Variants in PLD1 observed in about 807,000 individuals in gnomAD.
PLD1 encodes the protein choline phosphatase 1.
PLD1 carries 112 observed loss-of-function variants against 137.1 expected under a neutral mutation model. The ratio of observed to expected loss-of-function variants is 0.82; its 90% CI spans 0.70 to 0.96. The LOEUF (loss-of-function observed/expected upper bound fraction) is 0.96, where lower values mean the gene tolerates loss of function less well. Among genes scored for constraint, PLD1 ranks in the 40% least tolerant of loss-of-function variants. The pLI, the probability that PLD1 is intolerant of heterozygous loss-of-function variation, is 0.00. For missense variants in PLD1, 1,321 were observed against 1,342.0 expected (o/e 0.98, Z 0.24); for synonymous variants, 431 against 454.7 (o/e 0.95, Z 0.66).
At chr3:171,699,369 G>A (rs1414522686) in intron 12 of PLD1, among the ~76,000 whole-genome samples, 2 of 152,114 alleles carry the variant, frequency 1.3e-5, no homozygotes, top group Non-Finnish European at 2.9e-5. Context: ...CCATTCTCCA[G>A]ATGAGTTTTC....
At chr3:171,704,392 A>G (rs1318000760) in intron 11 of PLD1, among the ~76,000 whole-genome samples, 2 of 150,530 alleles carry the variant, frequency 1.3e-5, no homozygotes, top group East Asian at 3.9e-4. Flanking sequence ...AAGACTCAAG[A>G]GTCTTATAAC....
intron 21 of PLD1, among the ~76,000 whole-genome samples, chr3:171,647,622 T>A (rs1299676537): frequency 2.0e-5 from 3 of 152,056 alleles, no homozygotes; most frequent in East Asian, 1.9e-4. Flanking sequence ...GGTAATTTTG[T>A]ACTTTTAGTA....
At chr3:171,674,257 A>G (rs1266129456) in intron 19 of PLD1, among the ~76,000 whole-genome samples, 1 of 152,256 alleles carries the variant, frequency 6.6e-6, no homozygotes, top group Non-Finnish European at 1.5e-5. Context: ...TTACAGGAAT[A>G]GCCTTGGCTG....
intron 25 of PLD1, among the ~76,000 whole-genome samples, chr3:171,607,284 T>C (rs1407132938): frequency 1.3e-5 from 2 of 152,200 alleles, no homozygotes; most frequent in Admixed American, 6.5e-5. Context: ...CAAATGTGAA[T>C]GACAGTACAA....
At chr3:171,608,765 A>G (rs1323906175) in intron 25 of PLD1, among the ~76,000 whole-genome samples, 1 of 152,174 alleles carries the variant, frequency 6.6e-6, no homozygotes, top group Non-Finnish European at 1.5e-5. Flanking sequence ...AATACACTGC[A>G]GATGTTAATT....
Position 171,609,505 on chromosome 3 carries a change from A to C in PLD1, c.2882+2774T>G, listed in dbSNP as rs946541125. The stretch of plus-strand genomic sequence containing the variant: ...GTCCTGAGCAGACAATTACATAAAG[A>C]AAACACACACACACACACACACACA... On this transcript the variant is annotated intron_variant, in intron 25 of 26. Coordinates refer to ENST00000351298, the MANE Select transcript of PLD1 (RefSeq NM_002662.5). Among the ~76,000 whole-genome samples, 2 of 124,212 alleles carry C rather than the reference A, an allele frequency of 1.6e-5. 1 individual carries two copies. The highest frequency in any genetic ancestry group is 6.3e-5 in the African/African-American group (2 of 31,734). 81.5% of individuals were successfully genotyped at this position (124,212 alleles called of 152,430 possible).
chr3:171,764,896 G>GAAGGAAGGAAGGA (rs1721781076), intron 1 of PLD1, among the ~76,000 whole-genome samples: 1 of 31,356 alleles, frequency 3.2e-5, no homozygotes, highest in Non-Finnish European at 6.4e-5. Context: ...AGAAAGAAAG[G>GAAGGAAGGAAGGA]AAGGAAGGAA....
At chr3:171,701,737 A>C (rs914124081) in intron 11 of PLD1, among the ~76,000 whole-genome samples, 4 of 152,246 alleles carry the variant, frequency 2.6e-5, no homozygotes, top group African/African-American at 9.6e-5. Flanking sequence ...TTATTATGTA[A>C]GAATCTTTAC....
chr3:171,627,787 A>C (rs914494076), intron 23 of PLD1, among the ~76,000 whole-genome samples: 187 of 152,350 alleles, frequency 1.2e-3, no homozygotes, highest in African/African-American at 4.3e-3. Context: ...ATGAAGGCAG[A>C]AATAAAAATG....
At chr3:171,671,356 T>C (rs528545827) in intron 19 of PLD1, among the ~76,000 whole-genome samples, 1 of 152,210 alleles carries the variant, frequency 6.6e-6, no homozygotes, top group African/African-American at 2.4e-5. Flanking sequence ...ACAGTTCCTA[T>C]GGTTCTTTGG....
intron 1 of PLD1, among the ~76,000 whole-genome samples, chr3:171,799,098 C>G (rs1356656953): frequency 6.6e-6 from 1 of 151,972 alleles, no homozygotes; most frequent in Non-Finnish European, 1.5e-5. Context: ...CCCAGCACTT[C>G]GGGAGGCCGA....
chr3:171,726,459 T>C (rs548695632), intron 6 of PLD1, among the ~76,000 whole-genome samples: 5 of 152,150 alleles, frequency 3.3e-5, no homozygotes, highest in African/African-American at 7.2e-5. Flanking sequence ...GCAAGTGATA[T>C]TGGTGCAGGA....
Position 171,724,746 on chromosome 3 carries a change from T to C in PLD1, c.708A>G (p.Pro236=), listed in dbSNP as rs778046212. The C allele has an allele frequency of 2.5e-6, 4 of 1,611,090 alleles. No individual in the cohort carries two copies. The highest frequency in any genetic ancestry group is 3.4e-6 in the Non-Finnish European group (4 of 1,177,950). ...TTCCCTGACCACAGCAATTCAAGCCTGGTATTCTGTGTCCTCCAGATCTTT... is the reference window on the plus strand; with the variant it reads ...TTCCCTGACCACAGCAATTCAAGCCCGGTATTCTGTGTCCTCCAGATCTTT... ...IMKRSGGHRI[P]GLNCCGQGRA... The change falls in exon 8 of 27, where the codon CCA becomes CCG. Residue 236 remains proline (P), a synonymous_variant. Coordinates refer to ENST00000351298, the MANE Select transcript of PLD1 (RefSeq NM_002662.5).
chr3:171,685,467 G>A (rs186423343), intron 16 of PLD1, among the ~76,000 whole-genome samples: 28 of 152,230 alleles, frequency 1.8e-4, no homozygotes, highest in African/African-American at 6.7e-4. Context: ...GGCACTGGGA[G>A]GATGATAAAT....
At chr3:171,808,493 G>A (rs180771474) in intron 1 of PLD1, among the ~76,000 whole-genome samples, 2,545 of 152,148 alleles carry the variant, frequency 0.017, 34 homozygotes, top group Non-Finnish European at 0.028. Flanking sequence ...CCGAGATCGC[G>A]CCACTGCACT....
intron 8 of PLD1, among the ~76,000 whole-genome samples, chr3:171,718,601 A>G (rs1021929073): frequency 5.3e-5 from 8 of 152,334 alleles, no homozygotes; most frequent in Admixed American, 3.9e-4. Flanking sequence ...TCAGGAATAT[A>G]TAAATCAAGT....
chr3:171,639,512 AATAT>A (rs1184153737), intron 23 of PLD1, among the ~76,000 whole-genome samples: 1 of 97,488 alleles, frequency 1.0e-5, no homozygotes, highest in African/African-American at 4.7e-5. Context: ...CATAATAAAT[AATAT>A]ATATTCATAT....
intron 24 of PLD1, among the ~76,000 whole-genome samples, chr3:171,614,742 G>T (rs571609241): frequency 6.6e-6 from 1 of 152,292 alleles, no homozygotes; most frequent in South Asian, 2.1e-4. Context: ...GCTGTCAGGC[G>T]GGGGCTGCTG....
intron 25 of PLD1, among the ~76,000 whole-genome samples, chr3:171,609,828 T>C (rs1732515777): frequency 6.6e-6 from 1 of 151,954 alleles, no homozygotes; most frequent in South Asian, 2.1e-4. Context: ...ACAGTTACAC[T>C]AAAAGCCCAG....
Sources: gnomAD v4.1 joint callset for allele counts (sites outside exome capture counted in the v4.1 genomes callset) on GRCh38, gnomAD v4.1.1 for gene constraint, MANE v1.5 for transcripts, NCBI Gene and HGNC (gene_info 2026-07-23, HGNC 2026-07-21) for gene names.